PLCG1: variants seen among roughly 807,000 people sequenced by gnomAD.
PLCG1 encodes the protein 1-phosphatidylinositol 4,5-bisphosphate phosphodiesterase gamma-1.
PLCG1 carries 71 observed loss-of-function variants against 177.8 expected under a neutral mutation model. That is an observed-to-expected ratio of 0.40 (90% CI 0.33 to 0.49). The LOEUF is 0.49. Ranked by LOEUF, PLCG1 falls within the 20% of genes least tolerant of loss-of-function variation. PLCG1 has a pLI of 0.72. For missense variants in PLCG1, 1,281 were observed against 1,709.0 expected, an observed-to-expected ratio of 0.75 and a Z score of 4.42; for synonymous variants, 658 against 647.9, an observed-to-expected ratio of 1.02 and a Z score of -0.24.
Position 41,174,640 on chromosome 20 carries a change from T to C in PLCG1, c.*131T>C, listed in dbSNP as rs919348006. On this transcript the variant is annotated 3_prime_UTR_variant, in exon 32 of 32. Coordinates refer to ENST00000685551, the MANE Select transcript of PLCG1 (RefSeq NM_002660.3). The surrounding 1 kb of genome is among the most constrained non-coding windows in gnomAD (Gnocchi z 5.8). ...CAGCCTGAAGCCTGGATTCCAGCAG[T>C]GAATGCTAGACAGAAACCAAGCCAT... The C allele has an allele frequency of 1.2e-4, 91 of 768,740 alleles. No homozygotes were observed. The African/African-American group carries it at 1.4e-3, about 12-fold the overall frequency. The allele number at this position is 768,740 out of a possible 1,614,324, so 47.6% of individuals were successfully genotyped here.
chr20:41,174,196 C>T lies in PLCG1; in HGVS notation c.3718C>T (p.Leu1240=). 6.2e-7 allele frequency: 1 copy of T among 1,614,138 alleles called. No individual in the cohort carries two copies. The highest frequency in any genetic ancestry group is 8.5e-7 in the Non-Finnish European group (1 of 1,179,998). ...GCGGGGCTCAGATGCCTCAGGCCAG[C>T]TGTTTCATGGCCGAGCCCGGGAAGG... The part of the protein sequence containing the change: ...RERGSDASGQ[L]FHGRAREGSF... Residue 1240 remains leucine, a synonymous_variant, in exon 31 of 32, where the codon CTG becomes TTG. Coordinates refer to ENST00000685551, the MANE Select transcript of PLCG1 (RefSeq NM_002660.3). This position sits in a 1 kb window ranked among gnomAD's most constrained non-coding sequence, Gnocchi z 5.8.
At chr20:41,142,196 G>GTC (rs2034852310) in intron 1 of PLCG1, among the ~76,000 whole-genome samples, 1 of 152,252 alleles carries the variant, frequency 6.6e-6, no homozygotes, top group Non-Finnish European at 1.5e-5. Flanking sequence ...TAAAGGAGAG[G>GTC]TGACCTTTGA....
In PLCG1 at chr20:41,146,809, A is replaced by T. The variant is rs1486606136; in HGVS notation, c.217+8951A>T. On this transcript the variant is annotated intron_variant, in intron 1 of 31. Transcript: ENST00000685551. The surrounding 1 kb of genome is among the most constrained non-coding windows in gnomAD (Gnocchi z 6.3). ...CTGGGTTCTGGCTGTGTAGGTGTGG[A>T]TGTGTGGTGGGAGAATTCCAACCCC... Among the ~76,000 whole-genome samples the T allele has an allele frequency of 2.0e-5, 3 of 152,076 alleles. No individual in the cohort carries two copies. The East Asian group carries it at 5.8e-4, about 29-fold the overall frequency.
At chr20:41,161,520 TC>T (rs2035495707) in intron 4 of PLCG1, among the ~76,000 whole-genome samples, 1 of 152,106 alleles carries the variant, frequency 6.6e-6, no homozygotes. Context: ...CCAGAAGGCC[TC>T]TGTTTCCTCA....
chr20:41,159,467 G>T lies in PLCG1; in HGVS notation c.218-139G>T. ...TCAACCCAGCCCTCTTATTACCAGAGTGACTGAGTGGTCTTGGCTCTGCCT... is the reference window on the plus strand; with the variant it reads ...TCAACCCAGCCCTCTTATTACCAGATTGACTGAGTGGTCTTGGCTCTGCCT... On this transcript the variant is annotated intron_variant, in intron 1 of 31. Transcript: ENST00000685551. The surrounding 1 kb of genome is among the most constrained non-coding windows in gnomAD (Gnocchi z 6.0). 1.3e-6 allele frequency: 1 copy of T among 772,516 alleles called. No individual in the cohort carries two copies. Among genetic ancestry groups the T allele is most frequent in the Admixed American group, 2.8e-5 (1 of 35,922 alleles). The allele number at this position is 772,516 out of a possible 1,614,324, so 47.9% of individuals were successfully genotyped here. A position where few individuals can be genotyped will look rare whatever the true frequency, so the allele number is the denominator to read the frequency against.
intron 1 of PLCG1, among the ~76,000 whole-genome samples, chr20:41,139,384 CTG>C (rs2034739521): frequency 6.6e-6 from 1 of 152,190 alleles, no homozygotes. Context: ...ACTCCCTATG[CTG>C]TGTTGAGTTG....
chr20:41,154,845 C>T (rs1056748562), intron 1 of PLCG1, among the ~76,000 whole-genome samples: 16 of 152,366 alleles, frequency 1.1e-4, no homozygotes, highest in African/African-American at 3.8e-4. Flanking sequence ...AGGTTCTCAG[C>T]TGGCCCTGAG....
chr20:41,170,118 G>T lies in PLCG1; in HGVS notation c.2657G>T (p.Arg886Leu). The change falls in exon 24 of 32, where the codon CGT becomes CTT. Residue 886 changes from arginine to leucine, a missense_variant. Physicochemically the swap from Arg to Leu is moderately radical, Grantham distance 102. Coordinates refer to ENST00000685551, the MANE Select transcript of PLCG1 (RefSeq NM_002660.3). ...TCTGCTCTCGCCCTCCCAGCCATCC[G>T]TCCTGAGGGCAAGAACAACCGGCTC... ...LDVPACQIAI[R>L]PEGKNNRLFV... 1 of 1,611,816 alleles carries T rather than the reference G, an allele frequency of 6.2e-7. No individual in the cohort carries two copies. Among genetic ancestry groups the T allele is most frequent in the East Asian group, 2.2e-5 (1 of 44,854 alleles).
intron 1 of PLCG1, among the ~76,000 whole-genome samples, chr20:41,158,486 GC>G (rs1264693611): frequency 1.3e-5 from 2 of 152,178 alleles, no homozygotes; most frequent in African/African-American, 4.8e-5. Flanking sequence ...CCAGCAGGCA[GC>G]CCCTCCCTGT....
At position 41,173,388 on chromosome 20, in the gene PLCG1, A is replaced by G; in HGVS notation, c.3280-32A>G. On this transcript the variant is annotated intron_variant, in intron 27 of 31. Coordinates refer to ENST00000685551, the MANE Select transcript of PLCG1 (RefSeq NM_002660.3). The surrounding 1 kb of genome is among the most constrained non-coding windows in gnomAD (Gnocchi z 6.2). ...TGGGGAATTGGAGGGAGCAGGAAGGACAATCCCAGGCCCTTCTTTGTCTGC... is the reference window on the plus strand; with the variant it reads ...TGGGGAATTGGAGGGAGCAGGAAGGGCAATCCCAGGCCCTTCTTTGTCTGC... 6.5e-7 allele frequency: 1 copy of G among 1,534,890 alleles called. No individual in the cohort carries two copies. The highest frequency in any genetic ancestry group is 1.4e-5 in the African/African-American group (1 of 73,524).
Position 41,166,876 on chromosome 20 carries a change from A to G in PLCG1, c.2301+17A>G. The stretch of plus-strand genomic sequence containing the variant: ...GGCACAGCTGTGAGGGGGCTGTGGT[A>G]GACGGGGCATGGCAGGGGAGGCAGG... On this transcript the variant is annotated intron_variant, in intron 19 of 31. Coordinates refer to ENST00000685551, the MANE Select transcript of PLCG1 (RefSeq NM_002660.3). The surrounding 1 kb of genome is among the most constrained non-coding windows in gnomAD (Gnocchi z 8.6). 1 of 1,611,838 alleles carries G rather than the reference A, an allele frequency of 6.2e-7. No homozygotes were observed. Among genetic ancestry groups the G allele is most frequent in the Non-Finnish European group, 8.5e-7 (1 of 1,178,050 alleles).
At position 41,177,419 on chromosome 20, in the gene PLCG1, C is replaced by T. The variant is rs1811871725; in HGVS notation, c.*2910C>T. Reference sequence around the variant, plus strand: ...GAAAAGGCAGGGGTCTGCCTCCTGACCAAGCACATCTTGAACATCACCTGA... The same window carrying T: ...GAAAAGGCAGGGGTCTGCCTCCTGATCAAGCACATCTTGAACATCACCTGA... On this transcript the variant is annotated 3_prime_UTR_variant, in exon 32 of 32. Transcript: ENST00000685551. 6.6e-6 allele frequency: 1 copy of T among 152,236 alleles called. No individual in the cohort carries two copies. The highest frequency in any genetic ancestry group is 1.5e-5 in the Non-Finnish European group (1 of 68,056). 9.4% of individuals were successfully genotyped at this position (152,236 alleles called of 1,614,324 possible).
rs763421756 is a variant in PLCG1 at position 41,153,662 on chromosome 20, C to T, written c.218-5944C>T. 5.3e-5 allele frequency among the ~76,000 whole-genome samples: 8 copies of T among 152,150 alleles called. No homozygotes were observed. Among genetic ancestry groups the T allele is most frequent in the Middle Eastern group, 3.4e-3 (1 of 294 alleles). ...TTCTAATCCCAGCACTTTGGGAGGC[C>T]GAGGCAGGCGAATCACTGGAGGTCA... is the stretch of plus-strand genomic sequence containing the variant. On this transcript the variant is annotated intron_variant, in intron 1 of 31. Coordinates refer to ENST00000685551, the MANE Select transcript of PLCG1 (RefSeq NM_002660.3). The surrounding 1 kb of genome is among the most constrained non-coding windows in gnomAD (Gnocchi z 5.1).
At chr20:41,140,655 G>A (rs145517131) in intron 1 of PLCG1, among the ~76,000 whole-genome samples, 3 of 152,318 alleles carry the variant, frequency 2.0e-5, no homozygotes, top group African/African-American at 7.2e-5. Flanking sequence ...TTCTAGGGTG[G>A]TCATTTGGCT....
At chr20:41,170,414 G>A (rs777665280) in intron 24 of PLCG1, 145 bp downstream of exon 24, 47 of 735,032 alleles carry the variant, frequency 6.4e-5, no homozygotes, top group Non-Finnish European at 9.1e-5. Context: ...CCTTAGCTAG[G>A]GATTGAGAAG....
At chr20:41,162,359 T>C in intron 4 of PLCG1, 93 bp from the exon 5 acceptor site, 1 of 903,144 alleles carries the variant, frequency 1.1e-6, no homozygotes, top group Non-Finnish European at 1.8e-6. Flanking sequence ...AGAATAGTGT[T>C]GTTTACCTGT....
chr20:41,172,653 AGTCCCCTGTGAGGAG>A lies in PLCG1; in HGVS notation c.3130+10_3130+24del, dbSNP rs1454880701. ...TCAACTTCCAGACCCCTGGTGAGGA[AGTCCCCTGTGAGGAG>A]GGTGAGGAGGGGCACTGTGGGGCAG... On this transcript the variant is annotated intron_variant, in intron 26 of 31. Transcript: ENST00000685551. The surrounding 1 kb of genome is among the most constrained non-coding windows in gnomAD (Gnocchi z 7.0). The A allele has an allele frequency of 5.0e-6, 8 of 1,613,624 alleles. No homozygotes were observed. The Admixed American group carries it at 1.2e-4, about 24-fold the overall frequency.
chr20:41,166,206 A>G lies in PLCG1; in HGVS notation c.1812A>G (p.Lys604=), dbSNP rs2035686494. 2 of 1,613,496 alleles carry G rather than the reference A, an allele frequency of 1.2e-6. No individual in the cohort carries two copies. The highest frequency in any genetic ancestry group is 1.7e-6 in the Non-Finnish European group (2 of 1,179,980). Residue 604 remains lysine (K), a synonymous_variant, in exon 17 of 32, where the codon AAA becomes AAG. Coordinates refer to ENST00000685551, the MANE Select transcript of PLCG1 (RefSeq NM_002660.3). The surrounding 1 kb of genome is among the most constrained non-coding windows in gnomAD (Gnocchi z 8.6). ...GTGTCTTCCACAGGCGGAACGGGAAAGTCCAGCACTGCCGTATCCACTCCC... is the reference window on the plus strand; with the variant it reads ...GTGTCTTCCACAGGCGGAACGGGAAGGTCCAGCACTGCCGTATCCACTCCC... ...DYTLSFWRNG[K]VQHCRIHSRQ...
chr20:41,144,298 A>C lies in PLCG1; in HGVS notation c.217+6440A>C, dbSNP rs2034928291. 6.6e-6 allele frequency among the ~76,000 whole-genome samples: 1 copy of C among 152,322 alleles called. No individual in the cohort carries two copies. The highest frequency in any genetic ancestry group is 2.4e-5 in the African/African-American group (1 of 41,558). ...TCAGTTTATTCTCCCATTCTGGGGA[A>C]AATGATAATAGGATGGACCGTTCTA... On this transcript the variant is annotated intron_variant, in intron 1 of 31. Transcript: ENST00000685551. This position sits in a 1 kb window ranked among gnomAD's most constrained non-coding sequence, Gnocchi z 4.1.
Sources: allele counts gnomAD v4.1 joint callset (sites outside exome capture counted in the v4.1 genomes callset), GRCh38; gene constraint gnomAD v4.1.1; non-coding constraint Gnocchi (gnomAD v3.1); transcripts MANE v1.5; gene names NCBI Gene and HGNC (gene_info 2026-07-23, HGNC 2026-07-21).